Variants in DPP10 observed in about 807,000 individuals in gnomAD.
DPP10 encodes the protein dipeptidyl peptidase like 10, also known as inactive dipeptidyl peptidase 10.
Under a neutral mutation model 120.9 loss-of-function variants are expected in DPP10, and 33 were observed. The ratio of observed to expected loss-of-function variants is 0.27; its 90% CI spans 0.21 to 0.37. DPP10 has a LOEUF of 0.37. DPP10 is among the 10% of genes least tolerant of loss of function. The pLI is 1.00. For missense variants in DPP10, 816 were observed against 942.8 expected, an observed-to-expected ratio of 0.87 and a Z score of 1.76; for synonymous variants, 337 against 326.1, an observed-to-expected ratio of 1.03 and a Z score of -0.36.
rs1558790488 is a variant in DPP10, at chr2:114,834,430, A to AAGCCATATCTACACACCTATGTACATATC, written c.60+391616_60+391644dup. Among the ~76,000 whole-genome samples the AAGCCATATCTACACACCTATGTACATATC allele has an allele frequency of 1.1e-3, 168 of 150,880 alleles. 1 individual carries two copies. Among genetic ancestry groups the AAGCCATATCTACACACCTATGTACATATC allele is most frequent in the African/African-American group, 3.6e-3 (148 of 40,752 alleles). On this transcript the variant is annotated intron_variant, in intron 1 of 25. Coordinates refer to ENST00000410059, the MANE Select transcript of DPP10 (RefSeq NM_020868.6). ...CATATCTACACACCTATGTATATAT[A>AAGCCATATCTACACACCTATGTACATATC]AGCCATATCTACACACCTATGTACA...
chr2:114,546,712 G>A (rs1344401244), intron 1 of DPP10, among the ~76,000 whole-genome samples: 2 of 152,178 alleles, frequency 1.3e-5, no homozygotes, highest in Admixed American at 6.5e-5. Flanking sequence ...TGCCACTTCT[G>A]CTAGGTGTGC....
chr2:115,378,817 T>G (rs2066032428), intron 3 of DPP10, among the ~76,000 whole-genome samples: 1 of 152,160 alleles, frequency 6.6e-6, no homozygotes, highest in Non-Finnish European at 1.5e-5. Flanking sequence ...AATCATGTGG[T>G]TTTTGTCTTT....
intron 3 of DPP10, among the ~76,000 whole-genome samples, chr2:115,395,006 A>G (rs1559538081): frequency 6.6e-6 from 1 of 152,212 alleles, no homozygotes; most frequent in Admixed American, 6.5e-5. Flanking sequence ...ATTGTAGACA[A>G]AAGTTTATGT....
intron 3 of DPP10, among the ~76,000 whole-genome samples, chr2:115,486,879 T>C (rs1319487647): frequency 6.6e-6 from 1 of 152,114 alleles, no homozygotes; most frequent in Non-Finnish European, 1.5e-5. Context: ...ACTGCTCCAT[T>C]ATCTAGCCTG....
At chr2:115,776,341 C>G (rs1682092822) in intron 13 of DPP10, among the ~76,000 whole-genome samples, 2 of 152,076 alleles carry the variant, frequency 1.3e-5, no homozygotes, top group African/African-American at 4.8e-5. Context: ...TCAGCTCCCA[C>G]TTATGAGTGA....
chr2:115,492,410 C>A (rs1268598931), intron 3 of DPP10, among the ~76,000 whole-genome samples: 2 of 152,032 alleles, frequency 1.3e-5, no homozygotes, highest in African/African-American at 2.4e-5. Context: ...TAGAGTTGGG[C>A]ATACTTTGTG....
At chr2:115,790,623 A>G (rs1442432399) in intron 17 of DPP10, among the ~76,000 whole-genome samples, 3 of 152,104 alleles carry the variant, frequency 2.0e-5, no homozygotes, top group African/African-American at 4.8e-5. Flanking sequence ...TATAATTTTC[A>G]TGTATTTCAG....
At chr2:115,636,578 G>A (rs549510048) in intron 5 of DPP10, among the ~76,000 whole-genome samples, 1 of 152,000 alleles carries the variant, frequency 6.6e-6, no homozygotes, top group East Asian at 1.9e-4. Context: ...CAGAGAGAGA[G>A]AAAAGGAGAG....
chr2:114,458,388 T>C (rs568593757), intron 1 of DPP10, among the ~76,000 whole-genome samples: 4 of 152,220 alleles, frequency 2.6e-5, no homozygotes, highest in Non-Finnish European at 5.9e-5. Flanking sequence ...TTGCCTGTCA[T>C]GAAATCTAAG....
chr2:115,835,834 G>A (rs1041686540), intron 21 of DPP10, among the ~76,000 whole-genome samples: 2 of 151,944 alleles, frequency 1.3e-5, no homozygotes, highest in African/African-American at 4.8e-5. Flanking sequence ...ATTATTTGGG[G>A]CAATTTCCAG....
intron 5 of DPP10, among the ~76,000 whole-genome samples, chr2:115,674,369 C>G (rs1281756905): frequency 6.6e-6 from 1 of 151,158 alleles, no homozygotes; most frequent in African/African-American, 2.4e-5. Flanking sequence ...GAAAACAGGC[C>G]TACATACTTC....
chr2:115,833,718 C>T (rs1377819608), intron 21 of DPP10, among the ~76,000 whole-genome samples: 2 of 152,136 alleles, frequency 1.3e-5, no homozygotes, highest in African/African-American at 4.8e-5. Context: ...TACTGTCAGG[C>T]TGTGTGTATA....
intron 5 of DPP10, among the ~76,000 whole-genome samples, chr2:115,569,255 G>C (rs1482862590): frequency 6.6e-6 from 1 of 152,140 alleles, no homozygotes; most frequent in African/African-American, 2.4e-5. Flanking sequence ...TGCTGCATCA[G>C]ATAAGTGTAT....
intron 1 of DPP10, among the ~76,000 whole-genome samples, chr2:115,010,060 A>T (rs1702151187): frequency 6.6e-6 from 1 of 152,126 alleles, no homozygotes; most frequent in Non-Finnish European, 1.5e-5. Flanking sequence ...GTAATTTACG[A>T]TTTTTACAAG....
intron 1 of DPP10, among the ~76,000 whole-genome samples, chr2:114,480,972 A>C (rs1680987405): frequency 6.6e-6 from 1 of 152,052 alleles, no homozygotes. Context: ...TGTTTATAAA[A>C]ATCAACTTAA....
At chr2:115,734,491 A>G (rs187031040) in intron 8 of DPP10, among the ~76,000 whole-genome samples, 6 of 151,986 alleles carry the variant, frequency 3.9e-5, no homozygotes, top group South Asian at 2.1e-4. Flanking sequence ...CCCCGTCTCT[A>G]ATAAAAATAC....
chr2:114,907,682 A>AT (rs945369624), intron 1 of DPP10, among the ~76,000 whole-genome samples: 7 of 151,902 alleles, frequency 4.6e-5, no homozygotes, highest in Non-Finnish European at 1.0e-4. Context: ...TTTTATAAGA[A>AT]TTTTTTCAGG....
intron 2 of DPP10, among the ~76,000 whole-genome samples, chr2:115,334,126 T>A (rs1294829992): frequency 1.3e-5 from 2 of 150,940 alleles, no homozygotes; most frequent in Non-Finnish European, 2.9e-5. Flanking sequence ...AACATTCAAA[T>A]TCAGGAAATA....
chr2:115,151,710 A>G (rs1450315694), intron 1 of DPP10, among the ~76,000 whole-genome samples: 1 of 143,486 alleles, frequency 7.0e-6, no homozygotes, highest in Non-Finnish European at 1.5e-5. Context: ...CCCAGTCAGT[A>G]TTGAATTTTT....
Sources: allele counts gnomAD v4.1 joint callset (sites outside exome capture counted in the v4.1 genomes callset), GRCh38; gene constraint gnomAD v4.1.1; transcripts MANE v1.5; gene names NCBI Gene and HGNC (gene_info 2026-07-23, HGNC 2026-07-21).